The following MIPEP variants were observed in gnomAD, a reference collection of about 807,000 sequenced individuals.
The protein encoded by MIPEP is mitochondrial intermediate peptidase.
MIPEP carries 79 observed loss-of-function variants against 90.3 expected under a neutral mutation model. The ratio of observed to expected loss-of-function variants is 0.87; its 90% CI spans 0.73 to 1.05. The LOEUF is 1.05. Ranked by LOEUF, MIPEP falls within the 50% of genes least tolerant of loss-of-function variation. MIPEP has a pLI of 0.00. For missense variants in MIPEP, 940 were observed against 905.6 expected (o/e 1.04, Z -0.49); for synonymous variants, 334 against 315.8 (o/e 1.06, Z -0.61).
In MIPEP at chr13:23,836,359, G is replaced by GA. The variant is rs368642102; in HGVS notation, c.1544-11dup. 0.08 allele frequency: 85,179 copies of GA among 1,068,750 alleles called. No homozygotes were observed. Among genetic ancestry groups the GA allele is most frequent in the South Asian group, 0.098 (5,340 of 54,452 alleles). The allele number at this position is 1,068,750 out of a possible 1,614,324, so 66.2% of individuals were successfully genotyped here. ...GTAGGGCACCTGGTCCCTAAAACAA[G>GA]AAAAAAAAAAAAGTTGGCATGAATC... On this transcript the variant is annotated splice_polypyrimidine_tract_variant and intron_variant, in intron 13 of 18. Coordinates refer to ENST00000382172, the MANE Select transcript of MIPEP (RefSeq NM_005932.4).
intron 15 of MIPEP, 47 bp downstream of exon 15, chr13:23,809,803 T>C: frequency 8.9e-7 from 1 of 1,128,438 alleles, no homozygotes; most frequent in Non-Finnish European, 1.3e-6. Flanking sequence ...ATATATTTAT[T>C]TGGGATAATG....
At chr13:23,784,476 CA>C (rs1565993103) in intron 16 of MIPEP, among the ~76,000 whole-genome samples, 2 of 152,108 alleles carry the variant, frequency 1.3e-5, no homozygotes, top group Non-Finnish European at 2.9e-5. Context: ...ACACCTTATA[CA>C]AAAATTAATT....
At position 23,840,129 on chromosome 13, in the gene MIPEP, C is replaced by T. The variant is rs528097964; in HGVS notation, c.1261-403G>A. On this transcript the variant is annotated intron_variant, in intron 11 of 18. Coordinates refer to ENST00000382172, the MANE Select transcript of MIPEP (RefSeq NM_005932.4). Reference sequence around the variant, plus strand: ...AAATTATAACCCTTGAATTTGAAAACACCACAATGCAGCTCCCAGCTTGAG... The same window carrying T: ...AAATTATAACCCTTGAATTTGAAAATACCACAATGCAGCTCCCAGCTTGAG... Among the ~76,000 whole-genome samples the T allele has an allele frequency of 1.6e-3, 237 of 152,282 alleles. 2 individuals are homozygous for T. The highest frequency in any genetic ancestry group is 5.5e-3 in the African/African-American group (229 of 41,552).
intron 6 of MIPEP, among the ~76,000 whole-genome samples, chr13:23,869,658 T>C (rs1264283561): frequency 1.3e-5 from 2 of 152,216 alleles, no homozygotes; most frequent in Non-Finnish European, 2.9e-5. Flanking sequence ...GGTACTGTTC[T>C]GAGGTACGGT....
chr13:23,756,599 G>A lies in MIPEP; in HGVS notation c.1990C>T (p.Arg664Cys), dbSNP rs770702046. The change falls in exon 18 of 19, where the codon CGC becomes TGC. Residue 664 changes from arginine (R) to cysteine (C), a missense_variant. Transcript: ENST00000382172. ...PFNRAAGERY[R>C]REMLAHGGGR... ...CCACCGTGGGCCAGCATCTCCCTGC[G>A]ATAGCGCTCCCCGGCAGCCCTGGGG... The A allele has an allele frequency of 1.9e-5, 30 of 1,613,426 alleles. No individual in the cohort carries two copies. The highest frequency in any genetic ancestry group is 2.2e-5 in the Non-Finnish European group (26 of 1,180,028).
chr13:23,744,604 T>C (rs1219354962), intron 18 of MIPEP, among the ~76,000 whole-genome samples: 1 of 152,228 alleles, frequency 6.6e-6, no homozygotes, highest in Non-Finnish European at 1.5e-5. Flanking sequence ...ACATGCATAG[T>C]ACTTGGCACA....
At chr13:23,735,339 A>G (rs1277115161) in intron 18 of MIPEP, among the ~76,000 whole-genome samples, 3 of 152,060 alleles carry the variant, frequency 2.0e-5, no homozygotes. Context: ...CTTCTTGCCT[A>G]TTAAACTCTC....
intron 16 of MIPEP, among the ~76,000 whole-genome samples, chr13:23,791,423 C>T (rs573743624): frequency 9.8e-5 from 15 of 152,312 alleles, no homozygotes; most frequent in African/African-American, 3.1e-4. Flanking sequence ...GCAGCACTGC[C>T]CCATTTGCAT....
intron 2 of MIPEP, among the ~76,000 whole-genome samples, chr13:23,883,810 T>C (rs2137540144): frequency 6.6e-6 from 1 of 152,256 alleles, no homozygotes; most frequent in African/African-American, 2.4e-5. Flanking sequence ...GTGAACAGGG[T>C]ATGAAACCTC....
chr13:23,879,449 A>G lies in MIPEP; in HGVS notation c.453-95T>C, dbSNP rs1448852045. ...AATGGTGTCAGCTTGTACCACACACATGCCCAGAAGCTGAACAGCATAACC... is the reference window on the plus strand; with the variant it reads ...AATGGTGTCAGCTTGTACCACACACGTGCCCAGAAGCTGAACAGCATAACC... On this transcript the variant is annotated intron_variant, in intron 3 of 18. Transcript: ENST00000382172. 3 of 680,292 alleles carry G rather than the reference A, an allele frequency of 4.4e-6. No individual in the cohort carries two copies. In the East Asian group the frequency reaches 8.2e-5, roughly 19 times the overall value. 42.1% of individuals were successfully genotyped at this position (680,292 alleles called of 1,614,324 possible).
rs560994238 is a variant in MIPEP, at chr13:23,730,192, T to C, written c.*156A>G. 39 of 602,398 alleles carry C rather than the reference T, an allele frequency of 6.5e-5. No individual in the cohort carries two copies. The highest frequency in any genetic ancestry group is 3.5e-4 in the Admixed American group (12 of 34,266). 37.3% of individuals were successfully genotyped at this position (602,398 alleles called of 1,614,324 possible). A position where few individuals can be genotyped will look rare whatever the true frequency, so the allele number is the denominator to read the frequency against. ...CCAAACAGGTGAAAAGCCAGAATAATTAAAACAAATTATTTATTCCAAGTT... is the reference window on the plus strand; with the variant it reads ...CCAAACAGGTGAAAAGCCAGAATAACTAAAACAAATTATTTATTCCAAGTT... On this transcript the variant is annotated 3_prime_UTR_variant, in exon 19 of 19. Coordinates refer to ENST00000382172, the MANE Select transcript of MIPEP (RefSeq NM_005932.4).
chr13:23,869,412 T>A lies in MIPEP; in HGVS notation c.823A>T (p.Asn275Tyr). The A allele has an allele frequency of 6.2e-7, 1 of 1,605,544 alleles. No homozygotes were observed. Among genetic ancestry groups the A allele is most frequent in the Non-Finnish European group, 8.5e-7 (1 of 1,178,156 alleles). ...TCTAAACATTTCAATTGACCAGCAT[T>A]GGGATAAAGAAAAATTTTATAAGCA... ...EAAYKIFLYPNAGQLKCLEEL... is the reference protein window; with the variant it reads ...EAAYKIFLYPYAGQLKCLEEL... Residue 275 changes from asparagine (N) to tyrosine (Y), a missense_variant, in exon 7 of 19, where the codon AAT becomes TAT. Transcript: ENST00000382172.
chr13:23,759,440 C>T (rs984780852), intron 17 of MIPEP, among the ~76,000 whole-genome samples: 1 of 150,936 alleles, frequency 6.6e-6, no homozygotes, highest in African/African-American at 2.4e-5. Flanking sequence ...CCCCATACCT[C>T]CCCAGACAGC....
chr13:23,887,474 G>T (rs1871548644), intron 1 of MIPEP, among the ~76,000 whole-genome samples: 1 of 152,120 alleles, frequency 6.6e-6, no homozygotes, highest in South Asian at 2.1e-4. Flanking sequence ...TTAATATTGG[G>T]AAAGACAGAA....
chr13:23,840,593 C>T (rs992237190), intron 11 of MIPEP, among the ~76,000 whole-genome samples: 3 of 152,166 alleles, frequency 2.0e-5, no homozygotes, highest in South Asian at 2.1e-4. Context: ...CAGTGATGAA[C>T]GTCCTCCCAC....
At chr13:23,802,226 C>T (rs530929317) in intron 16 of MIPEP, among the ~76,000 whole-genome samples, 5 of 152,254 alleles carry the variant, frequency 3.3e-5, no homozygotes, top group South Asian at 4.2e-4. Flanking sequence ...AGTTATTTTA[C>T]GTCATTTTTT....
At chr13:23,847,922 A>G (rs1182105499) in intron 10 of MIPEP, among the ~76,000 whole-genome samples, 1 of 152,240 alleles carries the variant, frequency 6.6e-6, no homozygotes, top group East Asian at 1.9e-4. Flanking sequence ...GAATCTCCTT[A>G]TTCCTTACAT....
At chr13:23,837,456 G>A (rs770105621) in intron 13 of MIPEP, 96 bp downstream of exon 13, 1 of 958,980 alleles carries the variant, frequency 1.0e-6, no homozygotes, top group Non-Finnish European at 1.6e-6. Context: ...ACGGTAAAAT[G>A]ATCACATTTT....
intron 18 of MIPEP, among the ~76,000 whole-genome samples, chr13:23,751,280 T>G (rs1952437707): frequency 6.6e-6 from 1 of 152,234 alleles, no homozygotes; most frequent in African/African-American, 2.4e-5. Context: ...AAAGCGAGTG[T>G]GTTTGGCAGA....
Sources: allele counts gnomAD v4.1 joint callset (sites outside exome capture counted in the v4.1 genomes callset), GRCh38; gene constraint gnomAD v4.1.1; transcripts MANE v1.5; gene names NCBI Gene and HGNC (gene_info 2026-07-23, HGNC 2026-07-21).